The following TBCB variants were observed in gnomAD, a reference collection of about 807,000 sequenced individuals.
TBCB encodes the protein tubulin folding cofactor B.
TBCB carries 18 observed loss-of-function variants against 29.2 expected under a neutral mutation model. That is an observed-to-expected ratio of 0.62 (90% CI 0.43 to 0.91). TBCB has a LOEUF of 0.91. Ranked by LOEUF, TBCB falls within the 40% of genes least tolerant of loss-of-function variation. TBCB has a pLI of 0.00. For synonymous variants in TBCB, 172 were observed against 137.8 expected, an observed-to-expected ratio of 1.25 and a Z score of -1.74; for missense variants, 336 against 337.6, an observed-to-expected ratio of 1.00 and a Z score of 0.04.
At chr19:36,124,757 A>T (rs542244918) in intron 4 of TBCB, among the ~76,000 whole-genome samples, 1 of 152,108 alleles carries the variant, frequency 6.6e-6, no homozygotes, top group East Asian at 1.9e-4. Flanking sequence ...GTTAGCCAGG[A>T]TGGTCTCGAT....
intron 3 of TBCB, 29 bp downstream of exon 3, chr19:36,120,835 G>C (rs371607562): frequency 1.2e-5 from 20 of 1,607,670 alleles, no homozygotes; most frequent in Admixed American, 1.7e-5. Context: ...CGAGGGGTGC[G>C]TGGGGGCCAG....
chr19:36,117,347 T>G (rs1181148101), intron 2 of TBCB, among the ~76,000 whole-genome samples: 3 of 152,174 alleles, frequency 2.0e-5, no homozygotes, highest in Non-Finnish European at 4.4e-5. Context: ...AATCGTTTTT[T>G]GTTTTGTTTT....
intron 3 of TBCB, among the ~76,000 whole-genome samples, chr19:36,121,237 G>A (rs539279158): frequency 2.6e-5 from 4 of 152,050 alleles, no homozygotes; most frequent in South Asian, 2.1e-4. Context: ...GGAGGAGGGC[G>A]GAGGAGGAAG....
Position 36,120,778 on chromosome 19 carries a change from C to T in TBCB, c.327C>T (p.Ile109=). The change falls in exon 3 of 6, where the codon ATC becomes ATT. Residue 109 remains isoleucine, a synonymous_variant. Transcript: ENST00000221855. ...EDVSRVEKYT[I]SQEAYDQRQD... ...TGTCCCGGGTGGAGAAGTACACGAT[C>T]TCACAAGAAGCCTACGACCAGAGGC... 6.2e-7 allele frequency: 1 copy of T among 1,613,980 alleles called. No individual in the cohort carries two copies.
intron 4 of TBCB, chr19:36,122,062 G>A (rs543899115): frequency 1.3e-5 from 5 of 393,916 alleles, no homozygotes; most frequent in South Asian, 2.5e-5. Flanking sequence ...AACACAGGGG[G>A]CTGTGTGAGC....
intron 2 of TBCB, chr19:36,116,465 G>A: frequency 2.7e-6 from 1 of 369,106 alleles, no homozygotes. Context: ...GGATGTCTGA[G>A]CTGAGGGATG....
chr19:36,119,969 C>T (rs114740448), intron 2 of TBCB, among the ~76,000 whole-genome samples: 1 of 151,972 alleles, frequency 6.6e-6, no homozygotes, highest in South Asian at 2.1e-4. Flanking sequence ...CTCCACCCCA[C>T]CCGCACCACC....
chr19:36,125,667 G>A lies in TBCB; in HGVS notation c.621-1G>A. 6.3e-7 allele frequency: 1 copy of A among 1,583,636 alleles called. No homozygotes were observed. The highest frequency in any genetic ancestry group is 8.6e-7 in the Non-Finnish European group (1 of 1,163,024). On this transcript the variant is annotated splice_acceptor_variant, in intron 5 of 5. Coordinates refer to ENST00000221855, the MANE Select transcript of TBCB (RefSeq NM_001281.3). LOFTEE classifies it high-confidence loss of function. ...ACACCCACCCCTATCCTTTCCTGCA[G>A]TGTGAATGGGAAACGCTACTTCGAA...
At position 36,125,437 on chromosome 19, in the gene TBCB, T is replaced by C. The variant is rs777567763; in HGVS notation, c.548-14T>C. 8 of 1,613,824 alleles carry C rather than the reference T, an allele frequency of 5.0e-6. No individual in the cohort carries two copies. In the East Asian group the frequency reaches 1.8e-4, roughly 36 times the overall value. On this transcript the variant is annotated splice_polypyrimidine_tract_variant and intron_variant, in intron 4 of 5. Coordinates refer to ENST00000221855, the MANE Select transcript of TBCB (RefSeq NM_001281.3). ...TGTCCAGAAGCTTCACAGGGATTTC[T>C]CTTCTGTTGGCAGGTCTCACAGATT...
chr19:36,114,972 C>A (rs1412267845), upstream of TBCB: 40 of 1,077,576 alleles, frequency 3.7e-5, no homozygotes, highest in South Asian at 2.7e-5. The surrounding 1 kb of genome is among the most constrained non-coding windows in gnomAD (Gnocchi z 4.5). Flanking sequence ...GCTGCGCACA[C>A]GTGCTGGCTC....
At chr19:36,115,697 C>T (rs770612740) in intron 1 of TBCB, 23 bp downstream of exon 1, 2 of 296,908 alleles carry the variant, frequency 6.7e-6, no homozygotes, top group East Asian at 2.5e-4. Context: ...GGGCGGGGTC[C>T]GGAGGGGCGG....
At chr19:36,116,316 A>G in intron 2 of TBCB, 132 bp downstream of exon 2, 2 of 1,219,914 alleles carry the variant, frequency 1.6e-6, no homozygotes, top group Non-Finnish European at 2.3e-6. Flanking sequence ...GTGCAGCCTG[A>G]CGAGAGACAG....
rs1974063442 is a variant in TBCB, at chr19:36,122,015, G to A, written c.547+297G>A. On this transcript the variant is annotated intron_variant, in intron 4 of 5. Transcript: ENST00000221855. ...AGCGTGGGGCAGTGTCAGTCGCGGT[G>A]GGGAAACGGGCGGCGTGACCAAGGC... The A allele has an allele frequency of 1.6e-5, 8 of 494,766 alleles. 1 individual carries two copies. The Admixed American group carries it at 2.7e-4, about 17-fold the overall frequency. The allele number at this position is 494,766 out of a possible 1,614,324, so 30.6% of individuals were successfully genotyped here. A position where few individuals can be genotyped will look rare whatever the true frequency, so the allele number is the denominator to read the frequency against.
intron 4 of TBCB, among the ~76,000 whole-genome samples, chr19:36,122,394 A>G (rs1974070606): frequency 6.6e-6 from 1 of 151,828 alleles, no homozygotes; most frequent in South Asian, 2.1e-4. Flanking sequence ...ACAGTGAGCT[A>G]TGATTGTGTC....
Position 36,121,708 on chromosome 19 carries a change from C to A in TBCB, c.537C>A (p.Val179=), listed in dbSNP as rs1230444611. The A allele has an allele frequency of 9.0e-6, 14 of 1,552,402 alleles. No homozygotes were observed. The highest frequency in any genetic ancestry group is 1.2e-5 in the Non-Finnish European group (14 of 1,149,216). Residue 179 remains valine (V), a synonymous_variant, in exon 4 of 6, where the codon GTC becomes GTA. Coordinates refer to ENST00000221855, the MANE Select transcript of TBCB (RefSeq NM_001281.3). ...AAGQSPRRGT[V]MYVGLTDFKP... ...GACAATCCCCTCGCCGGGGCACCGT[C>A]ATGTATGTAGGTGCGTGGCTCGCGG... is the stretch of plus-strand genomic sequence containing the variant.
rs1290826985 is a variant in TBCB at position 36,116,109 on chromosome 19, C to T, written c.183C>T (p.Asp61=). The change falls in exon 2 of 6, where the codon GAC becomes GAT. Residue 61 remains aspartate (D), a synonymous_variant. Coordinates refer to ENST00000221855, the MANE Select transcript of TBCB (RefSeq NM_001281.3). ...AACTGGAGCTGTATGGAGTTGACGA[C>T]AAGTTCTACAGCAAGCTGGATCAAG... is the stretch of plus-strand genomic sequence containing the variant. ...CMELELYGVD[D]KFYSKLDQED... 6.8e-6 allele frequency: 11 copies of T among 1,614,066 alleles called. No homozygotes were observed. Among genetic ancestry groups the T allele is most frequent in the Non-Finnish European group, 8.5e-6 (10 of 1,180,046 alleles).
Position 36,123,875 on chromosome 19 carries a change from A to G in TBCB, c.548-1576A>G, listed in dbSNP as rs112357049. On this transcript the variant is annotated intron_variant, in intron 4 of 5. Transcript: ENST00000221855. ...GGGCAACCATGCAAGACTCCATCTC[A>G]AAAAATAAAAAATACATTTTTATGT... Among the ~76,000 whole-genome samples, 200 of 152,272 alleles carry G rather than the reference A, an allele frequency of 1.3e-3. 1 individual carries two copies. The highest frequency in any genetic ancestry group is 4.7e-3 in the African/African-American group (196 of 41,564).
chr19:36,116,151 C>A lies in TBCB; in HGVS notation c.225C>A (p.Gly75=), dbSNP rs1219026996. 1.9e-6 allele frequency: 3 copies of A among 1,614,046 alleles called. No homozygotes were observed. Among genetic ancestry groups the A allele is most frequent in the Admixed American group, 1.7e-5 (1 of 60,002 alleles). ...TGGATCAAGAGGATGCGCTCCTGGG[C>A]TCCTACCCTGTAGATGACGGCTGCC... ...SKLDQEDALL[G]SYPVDDGCRI... Residue 75 remains glycine (G), a synonymous_variant, in exon 2 of 6, where the codon GGC becomes GGA. Coordinates refer to ENST00000221855, the MANE Select transcript of TBCB (RefSeq NM_001281.3).
intron 2 of TBCB, among the ~76,000 whole-genome samples, chr19:36,120,023 C>T (rs1015121008): frequency 2.6e-5 from 4 of 152,148 alleles, no homozygotes; most frequent in Admixed American, 2.0e-4. Flanking sequence ...GCCGTCTGCA[C>T]CTGCCGTTCT....
Sources: allele counts gnomAD v4.1 joint callset (sites outside exome capture counted in the v4.1 genomes callset), GRCh38; gene constraint gnomAD v4.1.1; non-coding constraint Gnocchi (gnomAD v3.1); transcripts MANE v1.5; gene names NCBI Gene and HGNC (gene_info 2026-07-23, HGNC 2026-07-21).